The following MTF2 variants were observed in gnomAD, a reference collection of about 807,000 sequenced individuals.
The protein encoded by MTF2 is metal response element binding transcription factor 2, also known as metal-response element-binding transcription factor 2.
MTF2 carries 11 observed loss-of-function variants against 79.5 expected under a neutral mutation model. That is an observed-to-expected ratio of 0.14 (90% CI 0.09 to 0.23). The LOEUF is 0.23. Among genes scored for constraint, MTF2 ranks in the 10% least tolerant of loss-of-function variants. The pLI is 1.00. For missense variants in MTF2, 486 were observed against 711.2 expected (o/e 0.68, Z 3.60); for synonymous variants, 208 against 232.8 (o/e 0.89, Z 0.97).
chr1:93,130,016 A>C (rs1479199500), intron 11 of MTF2, among the ~76,000 whole-genome samples: 1 of 152,230 alleles, frequency 6.6e-6, no homozygotes, highest in Non-Finnish European at 1.5e-5. Flanking sequence ...ATTTAAATTA[A>C]GACTTAAAGA....
chr1:93,114,499 G>A (rs946098063), intron 3 of MTF2, among the ~76,000 whole-genome samples, 189 bp from the exon 4 acceptor site: 3 of 152,108 alleles, frequency 2.0e-5, no homozygotes, highest in Non-Finnish European at 2.9e-5. Flanking sequence ...TATGAAAGTA[G>A]GCATGTTAAG....
At chr1:93,126,927 C>T (rs1432884223) in intron 9 of MTF2, among the ~76,000 whole-genome samples, 2 of 152,040 alleles carry the variant, frequency 1.3e-5, no homozygotes, top group African/African-American at 4.8e-5. Context: ...ACTAATAATA[C>T]AGTCCCATTT....
intron 1 of MTF2, among the ~76,000 whole-genome samples, chr1:93,100,847 C>T (rs1655501386): frequency 1.3e-5 from 2 of 152,172 alleles, no homozygotes; most frequent in African/African-American, 4.8e-5. Context: ...CTGTTGCTTC[C>T]CTTATACCTG....
intron 9 of MTF2, chr1:93,121,329 A>C: frequency 1.2e-6 from 1 of 842,688 alleles, no homozygotes; most frequent in South Asian, 5.5e-5. Context: ...GAATAAGTTT[A>C]ATAGTTAGGG....
In MTF2 at chr1:93,118,025, A is replaced by T. The variant is rs558743870; in HGVS notation, c.633-320A>T. On this transcript the variant is annotated intron_variant, in intron 6 of 14. Coordinates refer to ENST00000370298, the MANE Select transcript of MTF2 (RefSeq NM_007358.4). Reference sequence around the variant, plus strand: ...ACAACATAGCAATACTTGCCTCTTTAAAAAAAAATAGCCTAGGCTTGTGTT... The same window carrying T: ...ACAACATAGCAATACTTGCCTCTTTTAAAAAAAATAGCCTAGGCTTGTGTT... Among the ~76,000 whole-genome samples the T allele has an allele frequency of 2.0e-5, 3 of 151,394 alleles. No individual in the cohort carries two copies. The East Asian group carries it at 5.8e-4, about 29-fold the overall frequency.
At chr1:93,119,489 A>G in intron 8 of MTF2, 88 bp downstream of exon 8, 1 of 958,080 alleles carries the variant, frequency 1.0e-6, no homozygotes, top group Non-Finnish European at 1.6e-6. Flanking sequence ...TACTTGGCTT[A>G]AGTAAAAATA....
In MTF2 at chr1:93,138,262, G is replaced by A. The variant is rs924788886; in HGVS notation, c.*1235G>A. The A allele has an allele frequency of 6.6e-6, 1 of 152,058 alleles. No individual in the cohort carries two copies. 9.4% of individuals were successfully genotyped at this position (152,058 alleles called of 1,614,324 possible). A position where few individuals can be genotyped will look rare whatever the true frequency, so the allele number is the denominator to read the frequency against. On this transcript the variant is annotated 3_prime_UTR_variant, in exon 15 of 15. Transcript: ENST00000370298. ...ATCACCAGTGTTACAGTTGTCTTCTGTTTCTTTTTGTTTTGTTTTATTTGT... is the reference window on the plus strand; with the variant it reads ...ATCACCAGTGTTACAGTTGTCTTCTATTTCTTTTTGTTTTGTTTTATTTGT...
At chr1:93,126,356 C>T (rs943936392) in intron 9 of MTF2, among the ~76,000 whole-genome samples, 3 of 151,952 alleles carry the variant, frequency 2.0e-5, no homozygotes, top group Non-Finnish European at 4.4e-5. Flanking sequence ...TTTCTAGCTC[C>T]AGCATTCTAT....
rs773991973 is a variant in MTF2 at position 93,129,479 on chromosome 1, C to T, written c.1160+31C>T. 7.7e-6 allele frequency: 11 copies of T among 1,422,376 alleles called. No homozygotes were observed. The Admixed American group carries it at 2.4e-4, about 31-fold the overall frequency. The allele number at this position is 1,422,376 out of a possible 1,614,324, so 88.1% of individuals were successfully genotyped here. A position where few individuals can be genotyped will look rare whatever the true frequency, so the allele number is the denominator to read the frequency against. On this transcript the variant is annotated intron_variant, in intron 11 of 14. Coordinates refer to ENST00000370298, the MANE Select transcript of MTF2 (RefSeq NM_007358.4). ...AGTTGATCTGTGGCTTAGTTTTTCT[C>T]TTTAGCTTATTTGTAACTAAAAATG...
At chr1:93,114,088 C>T (rs1423887615) in intron 3 of MTF2, among the ~76,000 whole-genome samples, 1 of 151,676 alleles carries the variant, frequency 6.6e-6, no homozygotes, top group Non-Finnish European at 1.5e-5. Flanking sequence ...TTGGGACCCC[C>T]AAATTTTGTT....
intron 1 of MTF2, among the ~76,000 whole-genome samples, chr1:93,084,766 G>A (rs1255912573): frequency 2.0e-5 from 3 of 152,154 alleles, no homozygotes; most frequent in Non-Finnish European, 2.9e-5. Context: ...TGAGGCAGGA[G>A]GATTGGGTAG....
At chr1:93,117,823 T>TG (rs1656310369) in intron 6 of MTF2, among the ~76,000 whole-genome samples, 1 of 152,026 alleles carries the variant, frequency 6.6e-6, no homozygotes, top group African/African-American at 2.4e-5. Flanking sequence ...GCCCAGGAAT[T>TG]GGAGACCAGC....
intron 1 of MTF2, among the ~76,000 whole-genome samples, chr1:93,097,439 C>A (rs1472580154): frequency 2.6e-5 from 4 of 152,084 alleles, no homozygotes; most frequent in Non-Finnish European, 5.9e-5. Context: ...TTCTTAATGT[C>A]TGTCTGTTTT....
At chr1:93,096,342 A>G (rs1571222041) in intron 1 of MTF2, among the ~76,000 whole-genome samples, 1 of 152,080 alleles carries the variant, frequency 6.6e-6, no homozygotes, top group East Asian at 1.9e-4. Context: ...CAGGGCCCCA[A>G]ATACGTATTA....
chr1:93,127,412 T>A, intron 10 of MTF2, 113 bp downstream of exon 10: 1 of 660,914 alleles, frequency 1.5e-6, no homozygotes, highest in Non-Finnish European at 2.6e-6. Context: ...CTATACCATT[T>A]TAAACTTTAT....
At chr1:93,121,001 C>T (rs1270017381) in intron 9 of MTF2, 18 of 1,040,804 alleles carry the variant, frequency 1.7e-5, no homozygotes, top group South Asian at 3.3e-5. Context: ...AGTTCAACCT[C>T]CTTTTCTTCT....
chr1:93,111,783 T>C (rs528942355), intron 3 of MTF2, among the ~76,000 whole-genome samples: 8 of 152,272 alleles, frequency 5.3e-5, no homozygotes, highest in South Asian at 2.1e-4. Flanking sequence ...ACTACTAATA[T>C]TGAGCAGATC....
At chr1:93,131,180 A>G (rs989376363) in intron 11 of MTF2, among the ~76,000 whole-genome samples, 10 of 152,160 alleles carry the variant, frequency 6.6e-5, no homozygotes, top group African/African-American at 2.2e-4. Flanking sequence ...GAAGAGGTGA[A>G]ATAAGCAAGG....
intron 1 of MTF2, among the ~76,000 whole-genome samples, chr1:93,087,545 C>G (rs980802373): frequency 4.0e-4 from 58 of 146,522 alleles, no homozygotes; most frequent in African/African-American, 1.5e-3. Context: ...GCATGGCAGC[C>G]TGGGCAACAG....
Sources: gnomAD v4.1 joint callset for allele counts (sites outside exome capture counted in the v4.1 genomes callset) on GRCh38, gnomAD v4.1.1 for gene constraint, MANE v1.5 for transcripts, NCBI Gene and HGNC (gene_info 2026-07-23, HGNC 2026-07-21) for gene names.